Variants in SCN9A observed in about 807,000 individuals in gnomAD.
The protein encoded by SCN9A is sodium channel protein type 9 subunit alpha.
In SCN9A, 131 loss-of-function variants were observed where a neutral mutation model predicts 187.0. The ratio of observed to expected loss-of-function variants is 0.70; its 90% CI spans 0.61 to 0.81. The LOEUF (loss-of-function observed/expected upper bound fraction) is 0.81, where lower values mean the gene tolerates loss of function less well. Among genes scored for constraint, SCN9A ranks in the 30% least tolerant of loss-of-function variants. The probability of loss-of-function intolerance (pLI) is 0.00; values close to 1 mark genes in which losing one functional copy is unlikely to be tolerated. For missense variants in SCN9A, 2,252 were observed against 2,396.6 expected (o/e 0.94, Z 1.26); for synonymous variants, 809 against 808.6 (o/e 1.00, Z -0.01).
chr2:166,303,302 C>T lies in SCN9A; in HGVS notation c.689G>A (p.Gly230Asp). 5 of 1,610,076 alleles carry T rather than the reference C, an allele frequency of 3.1e-6. No homozygotes were observed. The highest frequency in any genetic ancestry group is 4.2e-6 in the Non-Finnish European group (5 of 1,178,698). ...RALKTISVIP[G>D]LKTIVGALIQ... ...CAAAGCCCCTACAATTGTCTTCAGG[C>T]CTGAAAATGGGAGAAAAAAGTGTTT... The change falls in exon 7 of 27, where the codon GGC becomes GAC. Residue 230 changes from glycine to aspartate, a missense_variant and splice_region_variant. This residue lies in a region of SCN9A where 1,013 missense variants were observed against 997.4 expected (regional missense o/e 1.02). Coordinates refer to ENST00000642356, the MANE Select transcript of SCN9A (RefSeq NM_001365536.1).
chr2:166,259,142 T>C (rs1389971740), intron 17 of SCN9A: 3 of 151,630 alleles, frequency 2.0e-5, no homozygotes, highest in African/African-American at 4.8e-5. Context: ...GGCAGAAAGG[T>C]TTTGTAGCTG....
intron 8 of SCN9A, among the ~76,000 whole-genome samples, chr2:166,293,838 T>C (rs917515786): frequency 8.5e-5 from 13 of 152,190 alleles, no homozygotes; most frequent in African/African-American, 3.1e-4. Context: ...AGTCAAAATA[T>C]AGTAATTGTC....
chr2:166,311,989 C>T (rs1382566886), intron 1 of SCN9A, among the ~76,000 whole-genome samples, 183 bp from the exon 2 acceptor site: 1 of 152,044 alleles, frequency 6.6e-6, no homozygotes, highest in Non-Finnish European at 1.5e-5. Context: ...ATCTTTCGTG[C>T]CTTCTAACCA....
At chr2:166,290,068 C>G (rs1045771403) in intron 9 of SCN9A, among the ~76,000 whole-genome samples, 1 of 151,628 alleles carries the variant, frequency 6.6e-6, no homozygotes, top group Middle Eastern at 3.2e-3. Flanking sequence ...CCTCCCCTTG[C>G]CTCCCACCCC....
chr2:166,243,289 A>G (rs557071241), intron 18 of SCN9A, among the ~76,000 whole-genome samples: 57 of 152,202 alleles, frequency 3.7e-4, no homozygotes, highest in African/African-American at 1.3e-3. Flanking sequence ...TCATTCATTA[A>G]CGCATTCTTT....
chr2:166,265,567 C>T (rs1446428757), intron 17 of SCN9A, among the ~76,000 whole-genome samples: 1 of 151,854 alleles, frequency 6.6e-6, no homozygotes, highest in African/African-American at 2.4e-5. Flanking sequence ...TTCATTTCAT[C>T]TGGATATTTA....
At chr2:166,205,535 G>A (rs1693756193) in intron 24 of SCN9A, among the ~76,000 whole-genome samples, 1 of 152,096 alleles carries the variant, frequency 6.6e-6, no homozygotes, top group Non-Finnish European at 1.5e-5. Flanking sequence ...AGACTTAAAT[G>A]TAAGACCTAA....
chr2:166,280,710 A>G, intron 13 of SCN9A, 115 bp from the exon 14 acceptor site: 2 of 652,416 alleles, frequency 3.1e-6, no homozygotes, highest in Non-Finnish European at 5.3e-6. Flanking sequence ...TTAGATTTTG[A>G]AAATTTAACA....
chr2:166,287,946 G>GTGTATATATATACATATATATAT (rs1346852618), intron 10 of SCN9A, among the ~76,000 whole-genome samples: 223 of 147,454 alleles, frequency 1.5e-3, no homozygotes, highest in Non-Finnish European at 2.2e-3. Context: ...GTGTGTATGT[G>GTGTATATATATACATATATATAT]TGTATATATA....
At chr2:166,354,992 G>A (rs934274683) in intron 1 of SCN9A, among the ~76,000 whole-genome samples, 1 of 151,850 alleles carries the variant, frequency 6.6e-6, no homozygotes, top group Non-Finnish European at 1.5e-5. Flanking sequence ...TACCCAGGCT[G>A]TGGTGCAATC....
intron 26 of SCN9A, among the ~76,000 whole-genome samples, chr2:166,201,693 C>T (rs1426244325): frequency 6.7e-6 from 1 of 149,436 alleles, no homozygotes; most frequent in Non-Finnish European, 1.5e-5. Context: ...ATACTATATA[C>T]ATAGTATGTG....
chr2:166,362,143 G>T (rs1700300719), intron 1 of SCN9A, among the ~76,000 whole-genome samples: 1 of 152,186 alleles, frequency 6.6e-6, no homozygotes, highest in East Asian at 1.9e-4. Flanking sequence ...GGGTAATCTG[G>T]TTTGAGGAGT....
At chr2:166,340,535 TCTTTCC>T (rs1272098298) in intron 1 of SCN9A, among the ~76,000 whole-genome samples, 2,188 of 117,634 alleles carry the variant, frequency 0.019, 144 homozygotes, top group African/African-American at 0.072. Flanking sequence ...TCCTTTCTTT[TCTTTCC>T]CTTTCTTTCT....
chr2:166,258,180 G>T (rs1020512249), intron 17 of SCN9A, among the ~76,000 whole-genome samples: 4 of 151,348 alleles, frequency 2.6e-5, no homozygotes, highest in Non-Finnish European at 5.9e-5. Context: ...AACTATTAAA[G>T]TTCAGTCATT....
At chr2:166,309,361 G>A (rs1559032970) in intron 2 of SCN9A, among the ~76,000 whole-genome samples, 1 of 152,076 alleles carries the variant, frequency 6.6e-6, no homozygotes, top group African/African-American at 2.4e-5. Context: ...ATACACATGA[G>A]AGTTAATTAT....
intron 20 of SCN9A, among the ~76,000 whole-genome samples, chr2:166,235,530 C>A (rs1695278385): frequency 6.6e-6 from 1 of 152,120 alleles, no homozygotes; most frequent in Non-Finnish European, 1.5e-5. Context: ...TTTGCCACAT[C>A]CAACCCCAGA....
At chr2:166,337,131 A>T (rs1171403617) in intron 1 of SCN9A, among the ~76,000 whole-genome samples, 1 of 152,118 alleles carries the variant, frequency 6.6e-6, no homozygotes, top group Non-Finnish European at 1.5e-5. Flanking sequence ...ATTGAGGTAT[A>T]GGTATGTGGT....
chr2:166,343,198 T>C (rs940324963), intron 1 of SCN9A, among the ~76,000 whole-genome samples: 2 of 152,164 alleles, frequency 1.3e-5, no homozygotes, highest in Non-Finnish European at 2.9e-5. Context: ...AAAAAAATTA[T>C]AGATTTGTGA....
chr2:166,252,770 T>TACAC (rs143224979), intron 17 of SCN9A, among the ~76,000 whole-genome samples: 2 of 150,998 alleles, frequency 1.3e-5, no homozygotes, highest in Non-Finnish European at 3.0e-5. Context: ...TGTTTACACA[T>TACAC]ACACACACAC....
Sources: allele counts gnomAD v4.1 joint callset (sites outside exome capture counted in the v4.1 genomes callset), GRCh38; gene constraint gnomAD v4.1.1; regional missense constraint gnomAD v4.1.1; transcripts MANE v1.5; gene names NCBI Gene and HGNC (gene_info 2026-07-23, HGNC 2026-07-21).